TMEM161A: variants seen among roughly 807,000 people sequenced by gnomAD.
TMEM161A encodes transmembrane protein 161A.
In TMEM161A, 46 loss-of-function variants were observed where a neutral mutation model predicts 57.1. The ratio of observed to expected loss-of-function variants is 0.81; its 90% CI spans 0.64 to 1.03. The LOEUF (loss-of-function observed/expected upper bound fraction) is 1.03, where lower values mean the gene tolerates loss of function less well. TMEM161A is among the 50% of genes least tolerant of loss of function. The pLI is 0.00. For missense variants in TMEM161A, 601 were observed against 621.5 expected, an observed-to-expected ratio of 0.97 and a Z score of 0.35; for synonymous variants, 288 against 279.0, an observed-to-expected ratio of 1.03 and a Z score of -0.32.
intron 6 of TMEM161A, among the ~76,000 whole-genome samples, chr19:19,122,122 C>T (rs1055466131): frequency 2.6e-5 from 4 of 152,072 alleles, no homozygotes; most frequent in Admixed American, 6.6e-5. Context: ...GTGAAACCCC[C>T]GTCTCTACTA....
intron 6 of TMEM161A, among the ~76,000 whole-genome samples, chr19:19,126,041 G>A (rs2059929506): frequency 6.6e-6 from 1 of 151,716 alleles, no homozygotes. Flanking sequence ...TGAGGCGGGT[G>A]GATTGCCTGA....
At chr19:19,127,686 T>A (rs1408879667) in intron 6 of TMEM161A, among the ~76,000 whole-genome samples, 1 of 151,566 alleles carries the variant, frequency 6.6e-6, no homozygotes, top group African/African-American at 2.4e-5. Context: ...TCCCAGCACG[T>A]TGGGAGGCGG....
rs2059898976 is a variant in TMEM161A at position 19,119,934 on chromosome 19, G to A, written c.1436C>T (p.Ser479Phe). The A allele has an allele frequency of 6.4e-7, 1 of 1,555,244 alleles. No individual in the cohort carries two copies. Among genetic ancestry groups the A allele is most frequent in the Non-Finnish European group, 8.7e-7 (1 of 1,150,786 alleles). ...GLYFHQHLAG[S>F] Reference sequence around the variant, plus strand: ...CCCAGGAGGGTCTGCAGGCAGCTAGGAGCCTGCCAAGTGCTGGTGGAAGTA... The same window carrying A: ...CCCAGGAGGGTCTGCAGGCAGCTAGAAGCCTGCCAAGTGCTGGTGGAAGTA... Residue 479 changes from serine (S) to phenylalanine (F), a missense_variant, in exon 12 of 12, where the codon TCC (serine) becomes TTC (phenylalanine). Coordinates refer to ENST00000162044, the MANE Select transcript of TMEM161A (RefSeq NM_017814.3).
intron 6 of TMEM161A, among the ~76,000 whole-genome samples, chr19:19,124,966 C>G (rs189052753): frequency 1.1e-3 from 171 of 150,968 alleles, no homozygotes; most frequent in Non-Finnish European, 2.0e-3. Flanking sequence ...AAAACAAAAA[C>G]AAAAACAAAA....
chr19:19,119,526 G>GC lies in TMEM161A; in HGVS notation c.*403dup. 4.6e-6 allele frequency: 1 copy of GC among 215,418 alleles called. No individual in the cohort carries two copies. The highest frequency in any genetic ancestry group is 9.6e-6 in the Non-Finnish European group (1 of 104,414). The allele number at this position is 215,418 out of a possible 1,614,324, so 13.3% of individuals were successfully genotyped here. ...CCTGCTCCTCTCTCCCTCCCGCGCA[G>GC]CCCCCACCCTGCACCCGGGCAGGTG... is the stretch of plus-strand genomic sequence containing the variant. On this transcript the variant is annotated 3_prime_UTR_variant, in exon 12 of 12. Transcript: ENST00000162044.
At chr19:19,120,211 G>A in intron 11 of TMEM161A, 28 bp from the exon 12 acceptor site, 3 of 1,507,704 alleles carry the variant, frequency 2.0e-6, no homozygotes, top group Non-Finnish European at 2.7e-6. Context: ...AGCGAGGTAT[G>A]AGTGGAAAAA....
rs9973234 is a variant in TMEM161A, at chr19:19,128,473, G to A, written c.595+1683C>T. The stretch of plus-strand genomic sequence containing the variant: ...TCTTGATCTCCTGACCTTGTGATCC[G>A]CCTGCCTTGGCCTCCCAAAGTGCTG... On this transcript the variant is annotated intron_variant, in intron 6 of 11. Transcript: ENST00000162044. 6.6e-3 allele frequency among the ~76,000 whole-genome samples: 999 copies of A among 150,658 alleles called. 13 individuals carry two copies. Among genetic ancestry groups the A allele is most frequent in the African/African-American group, 0.011 (435 of 40,992 alleles).
Position 19,119,982 on chromosome 19 carries a change from A to G in TMEM161A, c.1388T>C (p.Leu463Pro), listed in dbSNP as rs1337800395. Residue 463 changes from leucine to proline, a missense_variant, in exon 12 of 12, where the codon CTG becomes CCG. By Grantham distance (98) the Leu-to-Pro change is moderately conservative. Transcript: ENST00000162044. ...YLIWWTAACQ[L>P]LASLFGLYFH... The stretch of plus-strand genomic sequence containing the variant: ...GTAGAGGCCGAAAAGGCTGGCGAGC[A>G]GCTGGCAGGCAGCCGTCCACCAGAT... 2.0e-5 allele frequency: 31 copies of G among 1,576,798 alleles called. No homozygotes were observed. Among genetic ancestry groups the G allele is most frequent in the Non-Finnish European group, 2.6e-5 (30 of 1,162,100 alleles).
intron 1 of TMEM161A, among the ~76,000 whole-genome samples, chr19:19,137,441 C>T (rs76388828): frequency 0.021 from 3,270 of 152,326 alleles, 113 homozygotes; most frequent in African/African-American, 0.074. Flanking sequence ...TCCACCCAGC[C>T]TCCTGTCTCA....
At chr19:19,123,308 C>A (rs2059918552) in intron 6 of TMEM161A, among the ~76,000 whole-genome samples, 1 of 152,170 alleles carries the variant, frequency 6.6e-6, no homozygotes, top group South Asian at 2.1e-4. Flanking sequence ...GAATGAAAGA[C>A]AGACACAAAG....
In TMEM161A at chr19:19,120,835, G is replaced by C. The variant is rs2059905803; in HGVS notation, c.1116C>G (p.Thr372=). The part of the protein sequence containing the change: ...QRVVRVYCYV[T]VVSLQYLTPL... ...GCGTCAGGTACTGCAAGCTCACCAC[G>C]GTCACATAGCAGTAGACTCGGACCA... Residue 372 remains threonine, a synonymous_variant, in exon 11 of 12, where the codon ACC becomes ACG. Coordinates refer to ENST00000162044, the MANE Select transcript of TMEM161A (RefSeq NM_017814.3). The C allele has an allele frequency of 1.2e-6, 2 of 1,613,302 alleles. No homozygotes were observed. Among genetic ancestry groups the C allele is most frequent in the Non-Finnish European group, 8.5e-7 (1 of 1,180,040 alleles).
At chr19:19,130,062 A>T in intron 6 of TMEM161A, 94 bp downstream of exon 6, 1 of 1,453,726 alleles carries the variant, frequency 6.9e-7, no homozygotes, top group Non-Finnish European at 9.3e-7. Flanking sequence ...TCCTTTGCCT[A>T]CTCGTGCTGG....
chr19:19,134,761 CCCACCGCCGGGG>C lies in TMEM161A; in HGVS notation c.107+11_107+22del. 1 of 1,540,838 alleles carries C rather than the reference CCCACCGCCGGGG, an allele frequency of 6.5e-7. No homozygotes were observed. The highest frequency in any genetic ancestry group is 2.4e-5 in the East Asian group (1 of 40,982). ...AGGGGGCGTGACTCCGCGGGCCCCTCCCACCGCCGGGGCGGGGCTCACCTGCCGTTACAGAGC... is the reference window on the plus strand; with the variant it reads ...AGGGGGCGTGACTCCGCGGGCCCCTCCGGGGCTCACCTGCCGTTACAGAGC... On this transcript the variant is annotated intron_variant, in intron 2 of 11. Transcript: ENST00000162044.
chr19:19,134,826 G>A lies in TMEM161A; in HGVS notation c.65C>T (p.Ala22Val), dbSNP rs2059977443. ...CCAGCGCGCGAAGGAGCAGTGTGGC[G>A]CCAGCCTGTGCATGAGGGTGGCAGT... ...LLTATLMHRL[A>V]PHCSFARWLL... Residue 22 changes from alanine (A) to valine (V), a missense_variant, in exon 2 of 12, where the codon GCG becomes GTG. Physicochemically the swap from Ala to Val is moderately conservative, Grantham distance 64 (BLOSUM62 0). Coordinates refer to ENST00000162044, the MANE Select transcript of TMEM161A (RefSeq NM_017814.3). The A allele has an allele frequency of 1.3e-6, 2 of 1,596,078 alleles. No individual in the cohort carries two copies. The highest frequency in any genetic ancestry group is 2.3e-5 in the East Asian group (1 of 43,642).
At chr19:19,126,399 T>G (rs946506311) in intron 6 of TMEM161A, among the ~76,000 whole-genome samples, 1 of 151,998 alleles carries the variant, frequency 6.6e-6, no homozygotes, top group East Asian at 1.9e-4. Flanking sequence ...GTGGATAAAT[T>G]TGGAACACTT....
chr19:19,133,723 C>T (rs560619902), intron 2 of TMEM161A, among the ~76,000 whole-genome samples: 11 of 152,218 alleles, frequency 7.2e-5, no homozygotes, highest in Admixed American at 3.9e-4. Flanking sequence ...CCACCCGCCC[C>T]GGCCTCCCAA....
chr19:19,126,348 A>G (rs2059931276), intron 6 of TMEM161A, among the ~76,000 whole-genome samples: 1 of 152,238 alleles, frequency 6.6e-6, no homozygotes, highest in Non-Finnish European at 1.5e-5. Flanking sequence ...AAATAATGCA[A>G]ATAGTGGTCA....
At chr19:19,136,776 G>A (rs1300256371) in intron 1 of TMEM161A, among the ~76,000 whole-genome samples, 1 of 152,094 alleles carries the variant, frequency 6.6e-6, no homozygotes, top group Non-Finnish European at 1.5e-5. Flanking sequence ...AATGAGGTTG[G>A]TGGCGGCATC....
intron 6 of TMEM161A, among the ~76,000 whole-genome samples, chr19:19,125,767 C>G (rs530106686): frequency 2.6e-5 from 4 of 151,918 alleles, no homozygotes; most frequent in Non-Finnish European, 4.4e-5. Context: ...GTGCCCATCT[C>G]GGCCTCCCAA....
Sources: allele counts gnomAD v4.1 joint callset (sites outside exome capture counted in the v4.1 genomes callset), GRCh38; gene constraint gnomAD v4.1.1; transcripts MANE v1.5; gene names NCBI Gene and HGNC (gene_info 2026-07-23, HGNC 2026-07-21).